The following CFAP52 variants were observed in gnomAD, a reference collection of about 807,000 sequenced individuals.
CFAP52 encodes cilia- and flagella-associated protein 52.
Under a neutral mutation model 70.5 loss-of-function variants are expected in CFAP52, and 57 were observed. The observed-to-expected ratio is 0.81, with a 90% CI of 0.65 to 1.01. The LOEUF is 1.01. Ranked by LOEUF, CFAP52 falls within the 50% of genes least tolerant of loss-of-function variation. CFAP52 has a pLI of 0.00. For synonymous variants in CFAP52, 267 were observed against 292.5 expected (o/e 0.91, Z 0.89); for missense variants, 785 against 788.5 (o/e 1.00, Z 0.05).
intron 8 of CFAP52, among the ~76,000 whole-genome samples, chr17:9,625,251 T>C (rs1206580783): frequency 6.6e-6 from 1 of 152,188 alleles, no homozygotes; most frequent in Non-Finnish European, 1.5e-5. Flanking sequence ...CTGCTTGTTC[T>C]TCCTCTTGGT....
In CFAP52 at chr17:9,608,233, C is replaced by T; in HGVS notation, c.854+14C>T. ...CAAACCCATCAAGTAAGTTCCGGGT[C>T]TCACACAGTGGGGCTGGGTAGAGAC... is the stretch of plus-strand genomic sequence containing the variant. On this transcript the variant is annotated intron_variant, in intron 7 of 13. Coordinates refer to ENST00000352665, the MANE Select transcript of CFAP52 (RefSeq NM_145054.5). 6.3e-7 allele frequency: 1 copy of T among 1,597,802 alleles called. No individual in the cohort carries two copies. The highest frequency in any genetic ancestry group is 2.2e-5 in the East Asian group (1 of 44,608).
intron 1 of CFAP52, among the ~76,000 whole-genome samples, chr17:9,585,153 C>T (rs553459837): frequency 2.0e-5 from 3 of 152,184 alleles, no homozygotes; most frequent in South Asian, 2.1e-4. Flanking sequence ...GAGAATTGGC[C>T]GTAGGACTTG....
In CFAP52 at chr17:9,594,054, G is replaced by T. The variant is rs1360402242; in HGVS notation, c.408-139G>T. The T allele has an allele frequency of 2.4e-6, 3 of 1,239,728 alleles. No individual in the cohort carries two copies. The East Asian group carries it at 7.6e-5, about 31-fold the overall frequency. The allele number at this position is 1,239,728 out of a possible 1,614,324, so 76.8% of individuals were successfully genotyped here. ...CCTAGTGTAGTTGAGGAGATGTCAG[G>T]GGTGGGGTAATTTTGTTGTTCGTTT... is the stretch of plus-strand genomic sequence containing the variant. On this transcript the variant is annotated intron_variant, in intron 3 of 13. Coordinates refer to ENST00000352665, the MANE Select transcript of CFAP52 (RefSeq NM_145054.5).
intron 3 of CFAP52, among the ~76,000 whole-genome samples, chr17:9,588,289 C>A (rs1245616142): frequency 2.0e-5 from 3 of 152,120 alleles, no homozygotes; most frequent in African/African-American, 7.2e-5. Flanking sequence ...GGTGCCCTGG[C>A]GCCCAGAGAA....
At chr17:9,633,902 C>T (rs1910662057) in intron 10 of CFAP52, among the ~76,000 whole-genome samples, 2 of 151,802 alleles carry the variant, frequency 1.3e-5, no homozygotes, top group East Asian at 2.0e-4. Context: ...AGGATGGTCT[C>T]GATCTCCTGA....
intron 8 of CFAP52, among the ~76,000 whole-genome samples, chr17:9,615,262 T>A (rs1430484627): frequency 6.6e-6 from 1 of 152,224 alleles, no homozygotes. Context: ...CAATGAAACT[T>A]GTGTAATATT....
chr17:9,594,893 G>GTTTTT (rs11378454), intron 4 of CFAP52, among the ~76,000 whole-genome samples: 5 of 130,768 alleles, frequency 3.8e-5, no homozygotes, highest in South Asian at 2.4e-4. Context: ...ATTAGGGAGG[G>GTTTTT]TTTTTTTTTT....
intron 1 of CFAP52, among the ~76,000 whole-genome samples, chr17:9,584,599 T>TTCA (rs61233470): frequency 1.3e-5 from 2 of 151,644 alleles, no homozygotes; most frequent in African/African-American, 4.8e-5. Flanking sequence ...TTTAGCAGAT[T>TTCA]AATGCAGTAT....
intron 3 of CFAP52, chr17:9,590,066 A>G: frequency 5.4e-6 from 1 of 186,842 alleles, no homozygotes; most frequent in Non-Finnish European, 1.1e-5. Context: ...GCTCATGGAT[A>G]TGTTCCGTGA....
intron 10 of CFAP52, among the ~76,000 whole-genome samples, chr17:9,635,171 C>G (rs1910716888): frequency 6.6e-6 from 1 of 152,030 alleles, no homozygotes; most frequent in Non-Finnish European, 1.5e-5. Context: ...TATGTACAAG[C>G]AGGTACAGGA....
At chr17:9,629,182 G>A (rs1302882691) in intron 9 of CFAP52, among the ~76,000 whole-genome samples, 1 of 152,210 alleles carries the variant, frequency 6.6e-6, no homozygotes, top group Non-Finnish European at 1.5e-5. Flanking sequence ...ACGAAGTGAT[G>A]TCTCAAAGGG....
At chr17:9,578,235 G>A (rs537735055) in intron 1 of CFAP52, among the ~76,000 whole-genome samples, 1 of 152,330 alleles carries the variant, frequency 6.6e-6, no homozygotes, top group South Asian at 2.1e-4. Flanking sequence ...ACCTTGGGAT[G>A]GAGACCTAAC....
intron 12 of CFAP52, among the ~76,000 whole-genome samples, chr17:9,641,088 A>G (rs1413240952): frequency 2.0e-5 from 3 of 152,250 alleles, no homozygotes; most frequent in African/African-American, 7.2e-5. Flanking sequence ...AGTTTAAGGT[A>G]CAAAGGCAGT....
chr17:9,640,399 C>T (rs1012846195), intron 12 of CFAP52, among the ~76,000 whole-genome samples: 1 of 151,068 alleles, frequency 6.6e-6, no homozygotes, highest in African/African-American at 2.4e-5. Context: ...TCCCCCCACC[C>T]ACCACCCCCC....
chr17:9,609,192 A>G (rs1909625163), intron 7 of CFAP52, among the ~76,000 whole-genome samples: 1 of 152,164 alleles, frequency 6.6e-6, no homozygotes, highest in Non-Finnish European at 1.5e-5. Context: ...GGTACCAGGC[A>G]TCATTCTAGG....
intron 1 of CFAP52, 46 bp from the exon 2 acceptor site, chr17:9,585,726 GC>G: frequency 1.3e-6 from 2 of 1,588,948 alleles, no homozygotes; most frequent in Non-Finnish European, 1.7e-6. Context: ...AAAATTCCTG[GC>G]CACTTCTGCA....
intron 13 of CFAP52, among the ~76,000 whole-genome samples, chr17:9,642,113 A>T (rs79997125): frequency 0.013 from 1,977 of 152,320 alleles, 50 homozygotes; most frequent in African/African-American, 0.045. Context: ...GGCATTGATA[A>T]TAGAAATGGG....
rs147354190 is a variant in CFAP52, at chr17:9,594,267, C to T, written c.482C>T (p.Ala161Val). ...SPAAGLNVGN[A>V]TNVIFSRCRD... ...GCAGCCGGCCTCAATGTTGGCAATGCCACCAATGTGATCTTCTCCAGGTGC... is the reference window on the plus strand; with the variant it reads ...GCAGCCGGCCTCAATGTTGGCAATGTCACCAATGTGATCTTCTCCAGGTGC... Residue 161 changes from alanine (A) to valine (V), a missense_variant, in exon 4 of 14, where the codon GCC becomes GTC. Ala to Val is a moderately conservative substitution (Grantham distance 64). Coordinates refer to ENST00000352665, the MANE Select transcript of CFAP52 (RefSeq NM_145054.5). 5.6e-6 allele frequency: 9 copies of T among 1,613,680 alleles called. No homozygotes were observed. In the African/African-American group the frequency reaches 1.1e-4, roughly 19 times the overall value.
intron 6 of CFAP52, among the ~76,000 whole-genome samples, chr17:9,605,645 G>A (rs1046897069): frequency 1.4e-5 from 2 of 142,684 alleles, no homozygotes; most frequent in East Asian, 2.1e-4. Context: ...GCATTGAGCC[G>A]AGATCGCGCC....
Sources: gnomAD v4.1 joint callset for allele counts (sites outside exome capture counted in the v4.1 genomes callset) on GRCh38, gnomAD v4.1.1 for gene constraint, MANE v1.5 for transcripts, NCBI Gene and HGNC (gene_info 2026-07-23, HGNC 2026-07-21) for gene names.